Variants in SART3 observed in about 807,000 individuals in gnomAD.
SART3 encodes the protein HIV-1 Tat-interacting protein of 110kDa.
In SART3, 44 loss-of-function variants were observed where a neutral mutation model predicts 122.3. That is an observed-to-expected ratio of 0.36 (90% CI 0.28 to 0.46). SART3 has a LOEUF of 0.46. Ranked by LOEUF, SART3 falls within the 20% of genes least tolerant of loss-of-function variation. The pLI is 1.00. For synonymous variants in SART3, 442 were observed against 454.0 expected, an observed-to-expected ratio of 0.97 and a Z score of 0.34; for missense variants, 1,101 against 1,229.0, an observed-to-expected ratio of 0.90 and a Z score of 1.56.
At chr12:108,544,021 G>A (rs1264522099) in intron 5 of SART3, among the ~76,000 whole-genome samples, 3 of 152,304 alleles carry the variant, frequency 2.0e-5, no homozygotes, top group African/African-American at 7.2e-5. Flanking sequence ...CTAAACTCAT[G>A]TAAAATTCCT....
At position 108,536,064 on chromosome 12, in the gene SART3, A is replaced by G. The variant is rs549118600; in HGVS notation, c.1446+450T>C. Among the ~76,000 whole-genome samples the G allele has an allele frequency of 6.6e-5, 10 of 152,326 alleles. 1 individual carries two copies. In the East Asian group the frequency reaches 1.9e-3, roughly 29 times the overall value. ...CTGACCTTGGTGTCCCTGACCCAGT[A>G]ATGACATTCAAGTCATCATATCCTC... On this transcript the variant is annotated intron_variant, in intron 11 of 18. Transcript: ENST00000546815.
At chr12:108,532,084 T>C in intron 13 of SART3, 138 bp downstream of exon 13, 1 of 712,130 alleles carries the variant, frequency 1.4e-6, no homozygotes, top group South Asian at 1.5e-5. Flanking sequence ...AGGACACTTG[T>C]GACAGTCTAA....
intron 15 of SART3, among the ~76,000 whole-genome samples, chr12:108,528,069 G>C (rs2136663805): frequency 6.6e-6 from 1 of 152,214 alleles, no homozygotes; most frequent in South Asian, 2.1e-4. Flanking sequence ...CCAGCCACCA[G>C]AGACAATTCT....
intron 1 of SART3, among the ~76,000 whole-genome samples, chr12:108,553,339 T>G (rs1592775767): frequency 6.6e-6 from 1 of 152,338 alleles, no homozygotes; most frequent in Non-Finnish European, 1.5e-5. Context: ...ATATTATAGT[T>G]CCTCAAAGTG....
chr12:108,549,321 T>C (rs1592772590), intron 1 of SART3, 107 bp from the exon 2 acceptor site: 1 of 1,272,270 alleles, frequency 7.9e-7, no homozygotes, highest in East Asian at 2.5e-5. Context: ...AAAATAAACG[T>C]GCTATCTGAG....
chr12:108,540,054 A>G (rs1422872830), intron 6 of SART3, among the ~76,000 whole-genome samples: 4 of 150,748 alleles, frequency 2.7e-5, no homozygotes, highest in Admixed American at 1.3e-4. Context: ...GCAAAGAAAG[A>G]TAGAAAAAAA....
rs552820381 is a variant in SART3, at chr12:108,555,098, G to C, written c.312+5745C>G. 1.6e-3 allele frequency among the ~76,000 whole-genome samples: 251 copies of C among 152,272 alleles called. 2 individuals carry two copies. Among genetic ancestry groups the C allele is most frequent in the African/African-American group, 5.6e-3 (234 of 41,546 alleles). On this transcript the variant is annotated intron_variant, in intron 1 of 18. Coordinates refer to ENST00000546815, the MANE Select transcript of SART3 (RefSeq NM_014706.4). ...GGAGAGCTGTTTAATTGGTAGAGTT[G>C]TATATATGCAAATGAAAACTTTGGA... is the stretch of plus-strand genomic sequence containing the variant.
intron 11 of SART3, among the ~76,000 whole-genome samples, chr12:108,535,923 A>G (rs1872884436): frequency 6.6e-6 from 1 of 152,162 alleles, no homozygotes; most frequent in Non-Finnish European, 1.5e-5. Flanking sequence ...TAAGCATCCC[A>G]TATAAAAACT....
rs763239806 is a variant in SART3 at position 108,547,962 on chromosome 12, T to C, written c.469A>G (p.Ile157Val). The C allele has an allele frequency of 1.9e-6, 3 of 1,613,496 alleles. No homozygotes were observed. The African/African-American group carries it at 4.0e-5, about 22-fold the overall frequency. Residue 157 changes from isoleucine (I) to valine (V), a missense_variant, in exon 3 of 19, where the codon ATC becomes GTC. By Grantham distance (29) the Ile-to-Val change is conservative (BLOSUM62 3). This residue lies in a region of SART3 where 885 missense variants were observed against 1,080.1 expected (regional missense o/e 0.82). Coordinates refer to ENST00000546815, the MANE Select transcript of SART3 (RefSeq NM_014706.4). Reference sequence around the variant, plus strand: ...TCCAGGCCATCCTGGGCCATGCTGATCTCGTCATGCAGCCACTCCAGCCAG... The same window carrying C: ...TCCAGGCCATCCTGGGCCATGCTGACCTCGTCATGCAGCCACTCCAGCCAG... The part of the protein sequence containing the change: ...ELWLEWLHDE[I>V]SMAQDGLDRE...
Position 108,534,982 on chromosome 12 carries a change from C to A in SART3, c.1556+377G>T, listed in dbSNP as rs1872839926. Among the ~76,000 whole-genome samples the A allele has an allele frequency of 2.0e-5, 3 of 152,252 alleles. No individual in the cohort carries two copies. In the South Asian group the frequency reaches 6.2e-4, roughly 32 times the overall value. On this transcript the variant is annotated intron_variant, in intron 12 of 18. Transcript: ENST00000546815. The stretch of plus-strand genomic sequence containing the variant: ...AAAAAATTTAAACATAGAAAAGTCT[C>A]AAAGAATGGGTCATGGTTATGACTG...
chr12:108,535,328 C>T (rs775682103), intron 12 of SART3, 31 bp downstream of exon 12: 3 of 1,565,136 alleles, frequency 1.9e-6, no homozygotes, highest in Non-Finnish European at 2.6e-6. Flanking sequence ...CTGACAAGCA[C>T]TGCCTCCCTC....
At chr12:108,536,672 A>G in intron 10 of SART3, 36 bp downstream of exon 10, 1 of 1,611,776 alleles carries the variant, frequency 6.2e-7, no homozygotes, top group Non-Finnish European at 8.5e-7. Flanking sequence ...ACAAGGAAAT[A>G]CAACTGGGCA....
At chr12:108,550,632 G>T (rs1447205700) in intron 1 of SART3, among the ~76,000 whole-genome samples, 1 of 152,184 alleles carries the variant, frequency 6.6e-6, no homozygotes. Context: ...GGAGGCCAAA[G>T]CGGGCAGATC....
intron 1 of SART3, among the ~76,000 whole-genome samples, chr12:108,551,130 A>G (rs1182914927): frequency 1.3e-5 from 2 of 152,266 alleles, no homozygotes; most frequent in African/African-American, 2.4e-5. Flanking sequence ...AACTGGTTGA[A>G]AGGAAAAGGA....
At chr12:108,551,512 A>T (rs910185862) in intron 1 of SART3, among the ~76,000 whole-genome samples, 13 of 152,298 alleles carry the variant, frequency 8.5e-5, no homozygotes, top group Non-Finnish European at 1.8e-4. Context: ...AAATTAAAAA[A>T]TTTTTAAGTT....
At chr12:108,542,952 T>C (rs1308460834) in intron 6 of SART3, 76 bp downstream of exon 6, 4 of 1,559,348 alleles carry the variant, frequency 2.6e-6, no homozygotes, top group Non-Finnish European at 3.5e-6. Context: ...ATTTTAAAGA[T>C]ACTGTTTAAC....
chr12:108,539,708 A>G (rs942483131), intron 6 of SART3, among the ~76,000 whole-genome samples: 7 of 152,210 alleles, frequency 4.6e-5, no homozygotes, highest in African/African-American at 1.7e-4. Context: ...AAGCACAGGT[A>G]CATGCAAATC....
intron 9 of SART3, 170 bp downstream of exon 9, chr12:108,537,318 T>C: frequency 1.6e-6 from 1 of 636,892 alleles, no homozygotes; most frequent in South Asian, 1.7e-5. Flanking sequence ...ACAATCCACA[T>C]CATGACTTGT....
chr12:108,536,414 A>T (rs1485258920), intron 11 of SART3, 100 bp downstream of exon 11: 3 of 1,141,362 alleles, frequency 2.6e-6, no homozygotes, highest in African/African-American at 1.5e-5. Context: ...TATAGAGCTT[A>T]GGCCATTATC....
Sources: gnomAD v4.1 joint callset for allele counts (sites outside exome capture counted in the v4.1 genomes callset) on GRCh38, gnomAD v4.1.1 for gene constraint, gnomAD v4.1.1 regional missense constraint, MANE v1.5 for transcripts, NCBI Gene and HGNC (gene_info 2026-07-23, HGNC 2026-07-21) for gene names.